The following RESF1 variants were observed in gnomAD, a reference collection of about 807,000 sequenced individuals.
RESF1 encodes the protein retroelement silencing factor 1.
RESF1 carries 65 observed loss-of-function variants against 134.7 expected under a neutral mutation model. The observed-to-expected ratio is 0.48, with a 90% CI of 0.40 to 0.59. The LOEUF (loss-of-function observed/expected upper bound fraction) is 0.59. RESF1 is among the 20% of genes least tolerant of loss of function. RESF1 has a pLI of 0.00. For missense variants in RESF1, 2,274 were observed against 2,002.7 expected, an observed-to-expected ratio of 1.14 and a Z score of -2.59; for synonymous variants, 762 against 702.2, an observed-to-expected ratio of 1.09 and a Z score of -1.35.
intron 1 of RESF1, among the ~76,000 whole-genome samples, chr12:31,960,542 G>A (rs1939237324): frequency 6.6e-6 from 1 of 152,154 alleles, no homozygotes; most frequent in African/African-American, 2.4e-5. Flanking sequence ...GTTTTGCAGT[G>A]ATACTACAAT....
In RESF1 at chr12:31,983,330, T is replaced by G. The variant is rs1256256831; in HGVS notation, c.2375T>G (p.Ile792Ser). The G allele has an allele frequency of 6.2e-7, 1 of 1,614,124 alleles. No homozygotes were observed. The highest frequency in any genetic ancestry group is 8.5e-7 in the Non-Finnish European group (1 of 1,180,024). ...TTACCTGAAACAGTGTATCCCGTTA[T>G]TAAAGAAGGCAGTGTTTGTAGTTTA... ...AVLPETVYPV[I>S]KEGSVCSLQN... Residue 792 changes from isoleucine to serine, a missense_variant, in exon 4 of 6, where the codon ATT becomes AGT. Transcript: ENST00000312561.
intron 3 of RESF1, among the ~76,000 whole-genome samples, chr12:31,970,936 G>C (rs1409750018): frequency 6.6e-6 from 1 of 152,044 alleles, no homozygotes; most frequent in Non-Finnish European, 1.5e-5. Context: ...AACTCTGTTG[G>C]TATGTCTTCC....
chr12:31,987,547 T>A (rs1224542688), intron 5 of RESF1, among the ~76,000 whole-genome samples: 1 of 152,020 alleles, frequency 6.6e-6, no homozygotes, highest in East Asian at 1.9e-4. Context: ...ATAAGTCTTA[T>A]CACAATGAGT....
chr12:31,985,450 A>G lies in RESF1; in HGVS notation c.4495A>G (p.Ser1499Gly), dbSNP rs777409495. 9 of 1,608,220 alleles carry G rather than the reference A, an allele frequency of 5.6e-6. No homozygotes were observed. In the East Asian group the frequency reaches 1.3e-4, roughly 24 times the overall value. ...TTGTGGGAAATCAAATGAGAAACAC[A>G]GCAGCGGCGTGCAGACCTCTAAAGA... is the stretch of plus-strand genomic sequence containing the variant. ...ESCGKSNEKH[S>G]SGVQTSKESL... The change falls in exon 4 of 6, where the codon AGC becomes GGC. Residue 1499 changes from serine to glycine, a missense_variant. Transcript: ENST00000312561.
chr12:31,982,759 G>T lies in RESF1; in HGVS notation c.1804G>T (p.Ala602Ser). The T allele has an allele frequency of 6.2e-7, 1 of 1,614,062 alleles. No individual in the cohort carries two copies. The change falls in exon 4 of 6, where the codon GCT (alanine) becomes TCT (serine). Residue 602 changes from alanine (A) to serine (S), a missense_variant. By Grantham distance (99) the Ala-to-Ser change is moderately conservative. Transcript: ENST00000312561. ...GACTCAGAAGACAGTATTAAAAGATGCTAATCAAACTATTCAGGATTCTAA... is the reference window on the plus strand; with the variant it reads ...GACTCAGAAGACAGTATTAAAAGATTCTAATCAAACTATTCAGGATTCTAA... ...RKTQKTVLKD[A>S]NQTIQDSKPD...
intron 4 of RESF1, 190 bp from the exon 5 acceptor site, chr12:31,987,049 T>C: frequency 2.1e-6 from 1 of 467,152 alleles, no homozygotes; most frequent in Non-Finnish European, 3.8e-6. Context: ...AAAGATAAAC[T>C]CATTTTTTAA....
At position 31,984,202 on chromosome 12, in the gene RESF1, C is replaced by G; in HGVS notation, c.3247C>G (p.Gln1083Glu). 1 of 1,613,910 alleles carries G rather than the reference C, an allele frequency of 6.2e-7. No homozygotes were observed. Among genetic ancestry groups the G allele is most frequent in the Non-Finnish European group, 8.5e-7 (1 of 1,179,962 alleles). Residue 1083 changes from glutamine (Q) to glutamate (E), a missense_variant, in exon 4 of 6, where the codon CAG (glutamine) becomes GAG (glutamate). Physicochemically the swap from Gln to Glu is conservative, Grantham distance 29. Coordinates refer to ENST00000312561, the MANE Select transcript of RESF1 (RefSeq NM_018169.4). Reference protein sequence around the residue: ...EGSVGQQTTYQTSEDQTADKT... With the variant: ...EGSVGQQTTYETSEDQTADKT... ...TTCTGTGGGCCAGCAAACTACATAC[C>G]AGACCTCAGAAGATCAAACTGCTGA...
At chr12:31,976,575 C>T (rs1038451435) in intron 3 of RESF1, among the ~76,000 whole-genome samples, 78 of 151,780 alleles carry the variant, frequency 5.1e-4, no homozygotes, top group African/African-American at 1.8e-3. Context: ...CCCTGCTGCT[C>T]GGGAGGCTGA....
intron 2 of RESF1, among the ~76,000 whole-genome samples, chr12:31,968,535 G>T (rs1328640098): frequency 2.0e-5 from 3 of 150,200 alleles, no homozygotes; most frequent in African/African-American, 7.4e-5. Flanking sequence ...TGCAAGCTCC[G>T]CCTCTTGGGT....
Position 31,981,394 on chromosome 12 carries a change from C to T in RESF1, c.439C>T (p.Pro147Ser), listed in dbSNP as rs61353224. 2.9e-3 allele frequency: 4,745 copies of T among 1,613,988 alleles called. 134 individuals carry two copies. The African/African-American group carries it at 0.056, about 19-fold the overall frequency. The stretch of plus-strand genomic sequence containing the variant: ...TCAAACTGATTTTGGAGCTAACGTA[C>T]CCAATATGCCGGCACTACAGAGTCA... ...SHQTDFGANV[P>S]NMPALQSQLI... is the part of the protein sequence containing the mutation. The change falls in exon 4 of 6, where the codon CCC becomes TCC. Residue 147 changes from proline (P) to serine (S), a missense_variant. Pro to Ser is a moderately conservative substitution (Grantham distance 74). Transcript: ENST00000312561.
At chr12:31,976,302 G>C (rs1939629814) in intron 3 of RESF1, among the ~76,000 whole-genome samples, 1 of 152,120 alleles carries the variant, frequency 6.6e-6, no homozygotes, top group Admixed American at 6.6e-5. Flanking sequence ...GCCAAAACTT[G>C]ATTAACAATA....
intron 2 of RESF1, among the ~76,000 whole-genome samples, chr12:31,962,221 A>T (rs58734372): frequency 0.011 from 660 of 60,290 alleles, 4 homozygotes; most frequent in Admixed American, 0.022. Flanking sequence ...CTGTCTTTTT[A>T]AAAAAAAAAA....
chr12:31,975,684 C>A (rs1248036963), intron 3 of RESF1, among the ~76,000 whole-genome samples: 1 of 152,074 alleles, frequency 6.6e-6, no homozygotes, highest in Non-Finnish European at 1.5e-5. Context: ...CACTACAGTC[C>A]CTAGATGGTT....
chr12:31,976,622 G>A (rs1310633516), intron 3 of RESF1, among the ~76,000 whole-genome samples: 1 of 152,094 alleles, frequency 6.6e-6, no homozygotes, highest in Admixed American at 6.5e-5. Context: ...GGCAGAGGTT[G>A]CAGTGAGCCG....
intron 3 of RESF1, among the ~76,000 whole-genome samples, chr12:31,971,641 C>CAT (rs1939510511): frequency 6.6e-6 from 1 of 152,156 alleles, no homozygotes; most frequent in Non-Finnish European, 1.5e-5. Context: ...TGTTTTCAGG[C>CAT]ATACACTCCT....
chr12:31,981,975 G>A lies in RESF1; in HGVS notation c.1020G>A (p.Leu340=). The change falls in exon 4 of 6, where the codon TTG becomes TTA. Residue 340 remains leucine, a synonymous_variant. Coordinates refer to ENST00000312561, the MANE Select transcript of RESF1 (RefSeq NM_018169.4). The part of the protein sequence containing the change: ...NVSTIGNFTN[L]KVNTNSKQPF... ...GCACAATTGGAAATTTCACTAACTT[G>A]AAAGTAAATACCAACAGCAAACAGC... 6.2e-7 allele frequency: 1 copy of A among 1,614,176 alleles called. No individual in the cohort carries two copies. The highest frequency in any genetic ancestry group is 8.5e-7 in the Non-Finnish European group (1 of 1,180,024).
At chr12:31,975,625 A>G (rs1021037565) in intron 3 of RESF1, among the ~76,000 whole-genome samples, 6 of 152,262 alleles carry the variant, frequency 3.9e-5, no homozygotes, top group Non-Finnish European at 8.8e-5. Context: ...AGCAGTCTTC[A>G]TGCTACTTAA....
intron 2 of RESF1, among the ~76,000 whole-genome samples, chr12:31,966,907 C>G (rs1372585577): frequency 2.0e-5 from 3 of 152,100 alleles, no homozygotes; most frequent in Non-Finnish European, 4.4e-5. Context: ...ACCGTGGTGC[C>G]CTGATGACTT....
intron 3 of RESF1, among the ~76,000 whole-genome samples, chr12:31,975,331 C>T (rs187967492): frequency 6.6e-6 from 1 of 152,168 alleles, no homozygotes; most frequent in Admixed American, 6.5e-5. Flanking sequence ...TTTATAGGAA[C>T]CTCCCATCTC....
Sources: allele counts gnomAD v4.1 joint callset (sites outside exome capture counted in the v4.1 genomes callset), GRCh38; gene constraint gnomAD v4.1.1; transcripts MANE v1.5; gene names NCBI Gene and HGNC (gene_info 2026-07-23, HGNC 2026-07-21).